FAM135A: variants seen among roughly 807,000 people sequenced by gnomAD.
FAM135A encodes the protein family with sequence similarity 135 member A, also known as protein FAM135A.
A neutral mutation model predicts 146.8 loss-of-function variants in FAM135A; 79 were observed. The observed-to-expected ratio is 0.54, with a 90% CI of 0.45 to 0.65. The LOEUF is 0.65. FAM135A is among the 30% of genes least tolerant of loss of function. The pLI is 0.00. For synonymous variants in FAM135A, 562 were observed against 603.6 expected (o/e 0.93, Z 1.01); for missense variants, 1,623 against 1,758.2 (o/e 0.92, Z 1.38).
At chr6:70,545,043 C>T (rs1582876829) in intron 20 of FAM135A, among the ~76,000 whole-genome samples, 1 of 151,108 alleles carries the variant, frequency 6.6e-6, no homozygotes, top group East Asian at 2.0e-4. Context: ...AAGACTGAAA[C>T]TCTGTCTCAA....
intron 20 of FAM135A, among the ~76,000 whole-genome samples, chr6:70,539,443 CTT>C (rs1184879411): frequency 6.6e-6 from 1 of 152,108 alleles, no homozygotes; most frequent in East Asian, 1.9e-4. Context: ...TTCAGACAAA[CTT>C]TATTAATTCA....
chr6:70,529,722 T>A (rs1022076236), intron 16 of FAM135A, among the ~76,000 whole-genome samples: 1 of 152,104 alleles, frequency 6.6e-6, no homozygotes, highest in African/African-American at 2.4e-5. Context: ...AATAAAGATA[T>A]CACACCAACA....
Position 70,468,549 on chromosome 6 carries a change from G to A in FAM135A, c.158-6861G>A, listed in dbSNP as rs191752605. Reference sequence around the variant, plus strand: ...CTAACATGAACAGGAAGCTCATGCTGCTTGCTATGCTGTGCATAATCAAAC... The same window carrying A: ...CTAACATGAACAGGAAGCTCATGCTACTTGCTATGCTGTGCATAATCAAAC... On this transcript the variant is annotated intron_variant, in intron 5 of 21. Coordinates refer to ENST00000418814, the MANE Select transcript of FAM135A (RefSeq NM_001162529.3). Among the ~76,000 whole-genome samples the A allele has an allele frequency of 3.4e-4, 52 of 152,318 alleles. 1 individual carries two copies. The highest frequency in any genetic ancestry group is 3.4e-3 in the Admixed American group (52 of 15,300).
At chr6:70,471,246 A>G (rs548549370) in intron 5 of FAM135A, among the ~76,000 whole-genome samples, 1 of 152,330 alleles carries the variant, frequency 6.6e-6, no homozygotes, top group African/African-American at 2.4e-5. Context: ...TCCTTAATAG[A>G]TTATATGCAA....
chr6:70,550,919 C>T (rs1161462311), intron 20 of FAM135A, among the ~76,000 whole-genome samples: 1 of 152,248 alleles, frequency 6.6e-6, no homozygotes, highest in Non-Finnish European at 1.5e-5. Context: ...GCACTTGCTG[C>T]CTCACCTTCC....
chr6:70,425,762 C>T (rs947235400), intron 2 of FAM135A, among the ~76,000 whole-genome samples: 22 of 152,172 alleles, frequency 1.4e-4, no homozygotes, highest in African/African-American at 5.1e-4. Context: ...TACATATATA[C>T]GTACTCAGGG....
At chr6:70,466,883 C>T (rs1041499468) in intron 5 of FAM135A, among the ~76,000 whole-genome samples, 2 of 152,152 alleles carry the variant, frequency 1.3e-5, no homozygotes, top group Admixed American at 6.6e-5. Context: ...GGGATGTTAA[C>T]ATATCTTTTA....
chr6:70,446,995 G>A (rs566157305), intron 4 of FAM135A, among the ~76,000 whole-genome samples: 56 of 152,304 alleles, frequency 3.7e-4, no homozygotes, highest in African/African-American at 1.3e-3. Context: ...ATAGTCCCAG[G>A]TTGTCCATCG....
chr6:70,530,136 G>T (rs1795531623), intron 16 of FAM135A, among the ~76,000 whole-genome samples: 2 of 152,080 alleles, frequency 1.3e-5, no homozygotes, highest in Non-Finnish European at 2.9e-5. Flanking sequence ...ATATATTAGA[G>T]TAAGTTACTA....
chr6:70,450,521 A>C (rs1374637206), intron 4 of FAM135A, among the ~76,000 whole-genome samples: 1 of 151,830 alleles, frequency 6.6e-6, no homozygotes, highest in Non-Finnish European at 1.5e-5. Flanking sequence ...TATTGAAGAA[A>C]CTGTCCTTTC....
At chr6:70,545,050 T>C (rs1167787374) in intron 20 of FAM135A, among the ~76,000 whole-genome samples, 1 of 149,602 alleles carries the variant, frequency 6.7e-6, no homozygotes, top group Non-Finnish European at 1.5e-5. Flanking sequence ...AAACTCTGTC[T>C]CAAAAAAAAA....
At chr6:70,536,451 G>A (rs777225239) in intron 19 of FAM135A, 40 bp downstream of exon 19, 1 of 1,449,048 alleles carries the variant, frequency 6.9e-7, no homozygotes, top group Admixed American at 2.5e-5. Context: ...ATATGGAATA[G>A]GGAGAAAAAT....
intron 4 of FAM135A, among the ~76,000 whole-genome samples, chr6:70,435,762 G>A (rs951342270): frequency 1.3e-5 from 2 of 152,162 alleles, no homozygotes; most frequent in African/African-American, 4.8e-5. Flanking sequence ...AAGATTTGTA[G>A]TTTGATTTAA....
At position 70,475,432 on chromosome 6, in the gene FAM135A, C is replaced by T. The variant is rs1782440071; in HGVS notation, c.180C>T (p.Ala60=). The T allele has an allele frequency of 1.3e-6, 2 of 1,592,600 alleles. No homozygotes were observed. The highest frequency in any genetic ancestry group is 1.7e-6 in the Non-Finnish European group (2 of 1,170,886). The part of the protein sequence containing the change: ...HATGMTLAFP[A]SVHDSLICSK... ...TAGGTATGACTTTAGCCTTTCCAGCCTCAGTTCATGATTCTCTAATTTGCA... is the reference window on the plus strand; with the variant it reads ...TAGGTATGACTTTAGCCTTTCCAGCTTCAGTTCATGATTCTCTAATTTGCA... Residue 60 remains alanine, a synonymous_variant, in exon 6 of 22, where the codon GCC becomes GCT. Transcript: ENST00000418814.
In FAM135A at chr6:70,525,030, C is replaced by A; in HGVS notation, c.1946C>A (p.Thr649Asn). Reference sequence around the variant, plus strand: ...GACGATTGCCATGATCATCAAACAACCCCATCTTTGGGAGTTAGAACAATT... The same window carrying A: ...GACGATTGCCATGATCATCAAACAAACCCATCTTTGGGAGTTAGAACAATT... ...SSDDCHDHQT[T>N]PSLGVRTIEI... The change falls in exon 15 of 22, where the codon ACC (threonine) becomes AAC (asparagine). Residue 649 changes from threonine (T) to asparagine (N), a missense_variant. Thr to Asn is a moderately conservative substitution (Grantham distance 65). This residue lies in a region of FAM135A where 1,061 missense variants were observed against 1,113.8 expected (regional missense o/e 0.95). Coordinates refer to ENST00000418814, the MANE Select transcript of FAM135A (RefSeq NM_001162529.3). The A allele has an allele frequency of 6.3e-7, 1 of 1,596,844 alleles. No homozygotes were observed. Among genetic ancestry groups the A allele is most frequent in the Non-Finnish European group, 8.5e-7 (1 of 1,174,278 alleles).
Position 70,526,760 on chromosome 6 carries a change from C to T in FAM135A, c.3614+62C>T, listed in dbSNP as rs1328094943. The T allele has an allele frequency of 9.8e-5, 64 of 653,268 alleles. 1 individual carries two copies. The highest frequency in any genetic ancestry group is 1.3e-4 in the Non-Finnish European group (57 of 440,208). 40.5% of individuals were successfully genotyped at this position (653,268 alleles called of 1,614,324 possible). Reference sequence around the variant, plus strand: ...ATATACATATATATATACACACACACACACATACACACACACACACACACA... The same window carrying T: ...ATATACATATATATATACACACACATACACATACACACACACACACACACA... On this transcript the variant is annotated intron_variant, in intron 15 of 21. Coordinates refer to ENST00000418814, the MANE Select transcript of FAM135A (RefSeq NM_001162529.3).
At chr6:70,547,584 T>C (rs915299122) in intron 20 of FAM135A, among the ~76,000 whole-genome samples, 2 of 152,114 alleles carry the variant, frequency 1.3e-5, no homozygotes, top group African/African-American at 2.4e-5. Context: ...TGCTGCAGAA[T>C]ATTCCTTGGA....
chr6:70,464,658 C>CTTTCTTTT (rs1460241786), intron 5 of FAM135A, among the ~76,000 whole-genome samples: 1 of 100,428 alleles, frequency 1.0e-5, no homozygotes, highest in African/African-American at 3.7e-5. Context: ...TTCTTTCTTT[C>CTTTCTTTT]TTTTTTTTCT....
rs1239237997 is a variant in FAM135A at position 70,545,163 on chromosome 6, C to T, written c.4228+6762C>T. Among the ~76,000 whole-genome samples, 14 of 151,938 alleles carry T rather than the reference C, an allele frequency of 9.2e-5. No homozygotes were observed. In the East Asian group the frequency reaches 2.5e-3, roughly 27 times the overall value. On this transcript the variant is annotated intron_variant, in intron 20 of 21. Coordinates refer to ENST00000418814, the MANE Select transcript of FAM135A (RefSeq NM_001162529.3). ...ATCTATCTTAGGAAAATTTTTTTAA[C>T]AGAACTTTTATCTAAATGCTGATAT...
Sources: allele counts gnomAD v4.1 joint callset (sites outside exome capture counted in the v4.1 genomes callset), GRCh38; gene constraint gnomAD v4.1.1; regional missense constraint gnomAD v4.1.1; transcripts MANE v1.5; gene names NCBI Gene and HGNC (gene_info 2026-07-23, HGNC 2026-07-21).